Variants in VOPP1 observed in about 807,000 individuals in gnomAD.
The protein encoded by VOPP1 is VOPP1 WW domain binding protein.
In VOPP1, 8 loss-of-function variants were observed where a neutral mutation model predicts 23.5. The observed-to-expected ratio is 0.34, with a 90% CI of 0.20 to 0.61. VOPP1 has a LOEUF of 0.61. Among genes scored for constraint, VOPP1 ranks in the 20% least tolerant of loss-of-function variants. The probability of loss-of-function intolerance (pLI) is 0.78; values close to 1 mark genes in which losing one functional copy is unlikely to be tolerated. For missense variants in VOPP1, 174 were observed against 238.1 expected, an observed-to-expected ratio of 0.73 and a Z score of 1.77; for synonymous variants, 83 against 97.3, an observed-to-expected ratio of 0.85 and a Z score of 0.86.
intron 4 of VOPP1, among the ~76,000 whole-genome samples, chr7:55,473,341 CG>C (rs1457533216): frequency 6.6e-6 from 1 of 152,206 alleles, no homozygotes; most frequent in Non-Finnish European, 1.5e-5. Flanking sequence ...GGTGAACTAT[CG>C]GAAGAGCTGC....
In VOPP1 at chr7:55,505,404, A is replaced by C. The variant is rs1794643445; in HGVS notation, c.114-7714T>G. Among the ~76,000 whole-genome samples, 4 of 152,214 alleles carry C rather than the reference A, an allele frequency of 2.6e-5. No homozygotes were observed. The South Asian group carries it at 8.3e-4, about 32-fold the overall frequency. On this transcript the variant is annotated intron_variant, in intron 2 of 4. Transcript: ENST00000285279. ...GGGAAAGAAAGAAGGTTGCACCACG[A>C]AGTGAGTCCTGGCTTAGCTGCAAGG...
In VOPP1 at chr7:55,457,191, T is replaced by C. The variant is rs75741933; in HGVS notation, n.418-21017A>G. Among the ~76,000 whole-genome samples the C allele has an allele frequency of 5.8e-3, 876 of 152,310 alleles. 13 individuals carry two copies. The highest frequency in any genetic ancestry group is 0.041 in the East Asian group (212 of 5,186). The stretch of plus-strand genomic sequence containing the variant: ...CATATATTGCTGACAACATGTGATA[T>C]TTGTTTTCCTGGCTTATTTCACTTA... On this transcript the variant is annotated intron_variant and non_coding_transcript_variant, in intron 4 of 4. Transcript: ENST00000462326.
intron 4 of VOPP1, among the ~76,000 whole-genome samples, chr7:55,481,480 G>C (rs1407411431): frequency 6.6e-6 from 1 of 152,214 alleles, no homozygotes; most frequent in Non-Finnish European, 1.5e-5. Flanking sequence ...GGGTGGTGTC[G>C]AGAGAAAAGG....
At chr7:55,499,419 C>A (rs118012846) in intron 2 of VOPP1, among the ~76,000 whole-genome samples, 1 of 152,210 alleles carries the variant, frequency 6.6e-6, no homozygotes, top group Non-Finnish European at 1.5e-5. Context: ...GCCACTTGCA[C>A]TCCTGACACT....
intron 4 of VOPP1, among the ~76,000 whole-genome samples, chr7:55,438,253 C>T (rs1194354045): frequency 1.3e-5 from 2 of 152,042 alleles, no homozygotes; most frequent in Non-Finnish European, 2.9e-5. Context: ...ATTTATCCAA[C>T]TGGTTAATGT....
intron 4 of VOPP1, among the ~76,000 whole-genome samples, chr7:55,463,837 C>CATATCT (rs1791567695): frequency 6.6e-6 from 1 of 152,204 alleles, no homozygotes; most frequent in African/African-American, 2.4e-5. Flanking sequence ...CAATAGTGCA[C>CATATCT]ATAGATGCAG....
At chr7:55,571,226 G>A (rs1033432981) in intron 1 of VOPP1, among the ~76,000 whole-genome samples, 1 of 152,202 alleles carries the variant, frequency 6.6e-6, no homozygotes, top group Non-Finnish European at 1.5e-5. Flanking sequence ...CCTGGAGCAA[G>A]GAGAAATTTG....
chr7:55,480,938 T>G (rs79427377), intron 4 of VOPP1, among the ~76,000 whole-genome samples: 2,369 of 152,346 alleles, frequency 0.016, 69 homozygotes, highest in African/African-American at 0.053. Flanking sequence ...AAAAATAGGT[T>G]AGTTGGTGAT....
At chr7:55,496,341 C>A (rs987957907) in intron 3 of VOPP1, among the ~76,000 whole-genome samples, 2 of 152,220 alleles carry the variant, frequency 1.3e-5, no homozygotes, top group Admixed American at 6.5e-5. Flanking sequence ...CTGGGTCTTG[C>A]CCCTGACACT....
At chr7:55,457,619 A>ATTT (rs56695972) in intron 4 of VOPP1, among the ~76,000 whole-genome samples, 31 of 149,200 alleles carry the variant, frequency 2.1e-4, no homozygotes, top group South Asian at 1.9e-3. Flanking sequence ...TGTTGCCAGC[A>ATTT]TTTTTTTTTT....
At chr7:55,494,711 C>T (rs1047961764) in intron 3 of VOPP1, among the ~76,000 whole-genome samples, 7 of 152,190 alleles carry the variant, frequency 4.6e-5, no homozygotes, top group African/African-American at 1.7e-4. Flanking sequence ...TTCCTGGCTT[C>T]AGTGATCCTC....
intron 1 of VOPP1, among the ~76,000 whole-genome samples, chr7:55,556,726 TA>T (rs149714220): frequency 4.9e-4 from 75 of 151,942 alleles, no homozygotes; most frequent in Middle Eastern, 3.4e-3. Flanking sequence ...AGATTATAGA[TA>T]ACTCATTTTC....
intron 1 of VOPP1, among the ~76,000 whole-genome samples, chr7:55,545,179 T>C (rs1046837707): frequency 2.6e-5 from 4 of 152,226 alleles, no homozygotes; most frequent in African/African-American, 4.8e-5. Context: ...TCCATTTATA[T>C]ACATATATTA....
intron 1 of VOPP1, among the ~76,000 whole-genome samples, chr7:55,551,318 T>C: frequency 6.6e-6 from 1 of 152,214 alleles, no homozygotes; most frequent in East Asian, 1.9e-4. Context: ...AGCAATGTCC[T>C]GGAATGTTAG....
chr7:55,564,995 A>G (rs1488235440), intron 1 of VOPP1, among the ~76,000 whole-genome samples: 4 of 152,102 alleles, frequency 2.6e-5, no homozygotes, highest in African/African-American at 7.2e-5. Flanking sequence ...TTTCAAACCT[A>G]ATTTACCGGA....
chr7:55,552,802 T>C lies in VOPP1; in HGVS notation c.54+19469A>G. 5 of 1,492,610 alleles carry C rather than the reference T, an allele frequency of 3.3e-6. No individual in the cohort carries two copies. The South Asian group carries it at 6.5e-5, about 19-fold the overall frequency. The allele number at this position is 1,492,610 out of a possible 1,614,324, so 92.5% of individuals were successfully genotyped here. ...GCCTGTTCTCCTAGGAAACCTCCCA[T>C]GGGCTGAGTCACTCAGCCATGCTCA... On this transcript the variant is annotated intron_variant, in intron 1 of 4. Coordinates refer to ENST00000285279, the MANE Select transcript of VOPP1 (RefSeq NM_030796.5).
chr7:55,540,354 C>T (rs1314722970), intron 1 of VOPP1, among the ~76,000 whole-genome samples: 1 of 151,306 alleles, frequency 6.6e-6, no homozygotes, highest in African/African-American at 2.4e-5. Context: ...GCCGAGATCG[C>T]GCTACTGCAC....
At chr7:55,523,911 G>T (rs760784731) in intron 1 of VOPP1, among the ~76,000 whole-genome samples, 7 of 152,212 alleles carry the variant, frequency 4.6e-5, no homozygotes, top group Non-Finnish European at 1.0e-4. Context: ...TTTGACTTTT[G>T]AAATGTTTTT....
At chr7:55,451,879 T>C (rs1345548258) in intron 4 of VOPP1, among the ~76,000 whole-genome samples, 1 of 152,210 alleles carries the variant, frequency 6.6e-6, no homozygotes, top group Non-Finnish European at 1.5e-5. Flanking sequence ...TGGAGGGTGT[T>C]TTCCCAGTGT....
Sources: gnomAD v4.1 joint callset for allele counts (sites outside exome capture counted in the v4.1 genomes callset) on GRCh38, gnomAD v4.1.1 for gene constraint, MANE v1.5 for transcripts, NCBI Gene and HGNC (gene_info 2026-07-23, HGNC 2026-07-21) for gene names.